The following CD163L1 variants were observed in gnomAD, a reference collection of about 807,000 sequenced individuals.
CD163L1 encodes the protein scavenger receptor cysteine-rich type 1 protein M160.
A neutral mutation model predicts 165.4 loss-of-function variants in CD163L1; 124 were observed. That is an observed-to-expected ratio of 0.75 (90% CI 0.65 to 0.87). The LOEUF is 0.87. Among genes scored for constraint, CD163L1 ranks in the 40% least tolerant of loss-of-function variants. CD163L1 has a pLI of 0.00. For missense variants in CD163L1, 1,525 were observed against 1,799.9 expected (o/e 0.85, Z 2.76); for synonymous variants, 585 against 662.2 (o/e 0.88, Z 1.79).
chr12:7,396,053 C>T, intron 8 of CD163L1, 42 bp downstream of exon 8: 1 of 1,518,480 alleles, frequency 6.6e-7, no homozygotes, highest in Non-Finnish European at 9.0e-7. Flanking sequence ...TTAGAGAACC[C>T]AGGCAGTTTC....
Position 7,368,500 on chromosome 12 carries a change from T to C in CD163L1, c.4073-303A>G, listed in dbSNP as rs1308757314. On this transcript the variant is annotated intron_variant, in intron 16 of 19. Coordinates refer to ENST00000313599, the MANE Select transcript of CD163L1 (RefSeq NM_174941.6). This position sits in a 1 kb window ranked among gnomAD's most constrained non-coding sequence, Gnocchi z 4.3. ...CTACTAAAACACCAGAATCAGAAAA[T>C]ACTAGGGCTTGAGCTGAGCTGTTTC... is the stretch of plus-strand genomic sequence containing the variant. 6.6e-6 allele frequency among the ~76,000 whole-genome samples: 1 copy of C among 151,592 alleles called. No homozygotes were observed. The highest frequency in any genetic ancestry group is 1.5e-5 in the Non-Finnish European group (1 of 67,898).
the CD163L1 span, chr12:7,323,168 A>AT: frequency 2.1e-6 from 3 of 1,412,596 alleles, no homozygotes; most frequent in Non-Finnish European, 2.9e-6. Flanking sequence ...CTTAATTTTC[A>AT]TTGCCATGAT....
At chr12:7,385,840 A>G (rs1413903857) in intron 8 of CD163L1, among the ~76,000 whole-genome samples, 1 of 152,032 alleles carries the variant, frequency 6.6e-6, no homozygotes, top group Non-Finnish European at 1.5e-5. Context: ...ACCAAAGCCT[A>G]TGGGATACAC....
At chr12:7,379,968 A>G (rs778105136) in intron 8 of CD163L1, among the ~76,000 whole-genome samples, 1 of 152,202 alleles carries the variant, frequency 6.6e-6, no homozygotes, top group South Asian at 2.1e-4. Flanking sequence ...AAGAATGGCC[A>G]TAACCAAAAA....
At chr12:7,371,503 T>C (rs1030164691) in intron 14 of CD163L1, among the ~76,000 whole-genome samples, 2 of 152,146 alleles carry the variant, frequency 1.3e-5, no homozygotes, top group African/African-American at 4.8e-5. Flanking sequence ...TAAGATCTAC[T>C]GCATAGTATC....
intron 2 of CD163L1, among the ~76,000 whole-genome samples, 182 bp downstream of exon 2, chr12:7,440,972 A>T (rs2136656079): frequency 6.6e-6 from 1 of 152,332 alleles, no homozygotes; most frequent in Admixed American, 6.5e-5. Context: ...TGTCAACGAA[A>T]AATGTAATAT....
chr12:7,432,713 G>C lies in CD163L1; in HGVS notation c.469C>G (p.Leu157Val). 5.0e-6 allele frequency: 8 copies of C among 1,609,830 alleles called. No homozygotes were observed. Among genetic ancestry groups the C allele is most frequent in the Non-Finnish European group, 6.8e-6 (8 of 1,177,358 alleles). ...CYGEANLGLR[L>V]VDGNNSCSGR... ...GAACAGGAGTTGTTTCCATCCACTA[G>C]CCTCAAACCCAGATTGGCTTCACCT... The change falls in exon 4 of 20, where the codon CTA (leucine) becomes GTA (valine). Residue 157 changes from leucine to valine, a missense_variant. By Grantham distance (32) the Leu-to-Val change is conservative. Coordinates refer to ENST00000313599, the MANE Select transcript of CD163L1 (RefSeq NM_174941.6). This position sits in a 1 kb window ranked among gnomAD's most constrained non-coding sequence, Gnocchi z 4.2.
chr12:7,321,236 AAAAG>A, the CD163L1 span, among the ~76,000 whole-genome samples: 2 of 152,338 alleles, frequency 1.3e-5, no homozygotes, highest in African/African-American at 4.8e-5. Context: ...TAGAACTCAA[AAAAG>A]AAAGAAAGAA....
intron 4 of CD163L1, among the ~76,000 whole-genome samples, chr12:7,416,996 A>T (rs1948255619): frequency 1.3e-5 from 2 of 152,020 alleles, no homozygotes; most frequent in Non-Finnish European, 2.9e-5. Flanking sequence ...TGAATCTATA[A>T]ATTACTTTGG....
chr12:7,337,562 C>A, the CD163L1 span, among the ~76,000 whole-genome samples: 1 of 151,506 alleles, frequency 6.6e-6, no homozygotes, highest in African/African-American at 2.4e-5. Flanking sequence ...AACAAACATA[C>A]CAAAAAAAGA....
intron 2 of CD163L1, among the ~76,000 whole-genome samples, chr12:7,440,209 C>T (rs1254342791): frequency 1.3e-5 from 2 of 152,134 alleles, no homozygotes; most frequent in African/African-American, 4.8e-5. Flanking sequence ...ACACTCGCGT[C>T]GGCCGCGGCC....
chr12:7,393,186 A>G (rs1947694932), intron 8 of CD163L1, among the ~76,000 whole-genome samples: 1 of 152,220 alleles, frequency 6.6e-6, no homozygotes, highest in South Asian at 2.1e-4. Context: ...AAATACTGGC[A>G]AACCGAATCC....
chr12:7,382,520 T>C (rs749794955), intron 8 of CD163L1, among the ~76,000 whole-genome samples: 1 of 152,222 alleles, frequency 6.6e-6, no homozygotes, highest in South Asian at 2.1e-4. Flanking sequence ...CTGGTATGGA[T>C]CCCCACTGTA....
chr12:7,335,590 A>G, the CD163L1 span, among the ~76,000 whole-genome samples: 2 of 152,354 alleles, frequency 1.3e-5, no homozygotes, highest in East Asian at 3.9e-4. Flanking sequence ...TTCAGGACAT[A>G]GGCATGGGCA....
chr12:7,329,576 T>C, the CD163L1 span, among the ~76,000 whole-genome samples: 1 of 152,034 alleles, frequency 6.6e-6, no homozygotes, highest in Non-Finnish European at 1.5e-5. Context: ...GCTAAGCAAA[T>C]TTTCTAAACC....
intron 5 of CD163L1, among the ~76,000 whole-genome samples, chr12:7,404,235 G>A (rs1019938764): frequency 6.6e-6 from 1 of 152,080 alleles, no homozygotes; most frequent in Non-Finnish European, 1.5e-5. Flanking sequence ...AAATATTAGA[G>A]TGGTTATTTT....
rs765230742 is a variant in CD163L1 at position 7,357,465 on chromosome 12, CA to C, written c.4300del (p.Cys1434ValfsTer36). 3.7e-6 allele frequency: 6 copies of C among 1,612,628 alleles called. No individual in the cohort carries two copies. The Admixed American group carries it at 1.0e-4, about 27-fold the overall frequency. On this transcript the variant is annotated frameshift_variant, in exon 19 of 20. Coordinates refer to ENST00000313599, the MANE Select transcript of CD163L1 (RefSeq NM_174941.6). LOFTEE classifies it high-confidence loss of function. ...RTSDDTPNHG[C>X]EDASDTSLLG... ...CAGCGATGTGTCGCTAGCATCTTCA[CA>C]ACCATGGTTGGGGGTGTCATCTGAA...
rs747236953 is a variant in CD163L1, at chr12:7,439,862, T to C, written c.124+1292A>G. 22 of 1,611,672 alleles carry C rather than the reference T, an allele frequency of 1.4e-5. No homozygotes were observed. The East Asian group carries it at 1.8e-4, about 13-fold the overall frequency. On this transcript the variant is annotated intron_variant, in intron 2 of 19. Transcript: ENST00000313599. ...CTGTCGCCAAAGGCCTCCGCTCCTC[T>C]CGCGGCTGCGTCATTATCCCCGCCC... is the stretch of plus-strand genomic sequence containing the variant.
intron 14 of CD163L1, among the ~76,000 whole-genome samples, chr12:7,371,771 T>C (rs966535284): frequency 1.3e-5 from 2 of 152,020 alleles, no homozygotes; most frequent in Admixed American, 1.3e-4. Flanking sequence ...GATTATAGTA[T>C]ATCATATGGT....
Sources: allele counts gnomAD v4.1 joint callset (sites outside exome capture counted in the v4.1 genomes callset), GRCh38; gene constraint gnomAD v4.1.1; non-coding constraint Gnocchi (gnomAD v3.1); transcripts MANE v1.5; gene names NCBI Gene and HGNC (gene_info 2026-07-23, HGNC 2026-07-21).